SMAP2: variants seen among roughly 807,000 people sequenced by gnomAD.
SMAP2 encodes small ArfGAP2, also known as stromal membrane-associated protein 2.
SMAP2 carries 25 observed loss-of-function variants against 56.4 expected under a neutral mutation model. That is an observed-to-expected ratio of 0.44 (90% confidence interval 0.32 to 0.62). The LOEUF is 0.62. Ranked by LOEUF, SMAP2 falls within the 20% of genes least tolerant of loss-of-function variation. The pLI is 0.04. For synonymous variants in SMAP2, 157 were observed against 181.7 expected, an observed-to-expected ratio of 0.86 and a Z score of 1.09; for missense variants, 388 against 545.6, an observed-to-expected ratio of 0.71 and a Z score of 2.88.
intron 1 of SMAP2, among the ~76,000 whole-genome samples, chr1:40,361,050 C>T (rs895312917): frequency 2.6e-5 from 4 of 152,178 alleles, no homozygotes; most frequent in African/African-American, 9.7e-5. Flanking sequence ...ATCCCTTCCC[C>T]AATTGCAGGC....
At chr1:40,399,123 C>G (rs962688696) in intron 1 of SMAP2, among the ~76,000 whole-genome samples, 1 of 151,972 alleles carries the variant, frequency 6.6e-6, no homozygotes, top group Non-Finnish European at 1.5e-5. Context: ...GACCCTGTCT[C>G]TTTTTTATTT....
chr1:40,377,157 G>A (rs1644548622), intron 1 of SMAP2, among the ~76,000 whole-genome samples: 1 of 152,086 alleles, frequency 6.6e-6, no homozygotes, highest in South Asian at 2.1e-4. Context: ...GTGGTGTTGT[G>A]CATCTGTGGT....
At chr1:40,398,343 C>CT (rs397826052) in intron 1 of SMAP2, among the ~76,000 whole-genome samples, 2 of 1,844 alleles carry the variant, frequency 1.1e-3, no homozygotes, top group Non-Finnish European at 1.8e-3. Context: ...AGTACTCCCG[C>CT]TCAGCCTCCC....
chr1:40,371,229 A>C (rs770092666), upstream of SMAP2, among the ~76,000 whole-genome samples: 1 of 152,200 alleles, frequency 6.6e-6, no homozygotes, highest in East Asian at 1.9e-4. Flanking sequence ...TAACATGTGC[A>C]TGATGGAACA....
Position 40,380,529 on chromosome 1 carries a change from C to CTTTTTTTTTTTTTTTTT in SMAP2, c.103+6317_103+6318insTTTTTTTTTTTTTTTTT, listed in dbSNP as rs370625950. ...AATTATTTTAGCTGTATCTGTGGCA[C>CTTTTTTTTTTTTTTTTT]TTTTTTTTTTTCTCTTTTGAGATGG... On this transcript the variant is annotated intron_variant, in intron 1 of 9. Coordinates refer to ENST00000372718, the MANE Select transcript of SMAP2 (RefSeq NM_022733.3). 1.4e-5 allele frequency among the ~76,000 whole-genome samples: 2 copies of CTTTTTTTTTTTTTTTTT among 142,878 alleles called. 1 individual carries two copies. The highest frequency in any genetic ancestry group is 5.3e-5 in the African/African-American group (2 of 37,900). 93.7% of individuals were successfully genotyped at this position (142,878 alleles called of 152,430 possible). A position where few individuals can be genotyped will look rare whatever the true frequency, so the allele number is the denominator to read the frequency against.
upstream of SMAP2, among the ~76,000 whole-genome samples, chr1:40,371,055 C>G (rs1056143909): frequency 1.3e-5 from 2 of 151,998 alleles, no homozygotes; most frequent in African/African-American, 2.4e-5. Flanking sequence ...TGCCTGTAGT[C>G]CTAGCTACTT....
upstream of SMAP2, among the ~76,000 whole-genome samples, chr1:40,371,873 C>A (rs1171124789): frequency 6.6e-6 from 1 of 152,182 alleles, no homozygotes; most frequent in Non-Finnish European, 1.5e-5. Context: ...TTAATGTTAT[C>A]ATCATTCCCA....
chr1:40,373,229 G>A (rs368037514), upstream of SMAP2, among the ~76,000 whole-genome samples: 32 of 152,268 alleles, frequency 2.1e-4, no homozygotes, highest in East Asian at 5.6e-3. Context: ...TTCCAAGTGA[G>A]AGGTGACCAG....
intron 1 of SMAP2, among the ~76,000 whole-genome samples, chr1:40,378,864 A>G (rs1295050711): frequency 6.6e-6 from 1 of 152,216 alleles, no homozygotes; most frequent in African/African-American, 2.4e-5. Context: ...TTCAAAATCC[A>G]AAAGGTCCAA....
intron 1 of SMAP2, among the ~76,000 whole-genome samples, chr1:40,383,531 G>T (rs78492778): frequency 0.049 from 7,430 of 152,254 alleles, 211 homozygotes; most frequent in Admixed American, 0.061. Context: ...ACAAGAGAAC[G>T]GAAGGGTTTT....
intron 1 of SMAP2, among the ~76,000 whole-genome samples, chr1:40,394,832 C>T (rs958825729): frequency 1.3e-5 from 2 of 152,100 alleles, no homozygotes; most frequent in South Asian, 2.1e-4. Flanking sequence ...TTGTGGCAGT[C>T]AGGAGGTCCT....
intron 1 of SMAP2, among the ~76,000 whole-genome samples, chr1:40,403,397 C>T (rs1003150695): frequency 1.3e-5 from 2 of 152,048 alleles, no homozygotes; most frequent in Non-Finnish European, 2.9e-5. Context: ...CCCAGCTACT[C>T]GGGAAGCTGA....
At position 40,401,540 on chromosome 1, in the gene SMAP2, A is replaced by G. The variant is rs931645367; in HGVS notation, c.104-5196A>G. ...ACTCCATAGATTAGAACTCAATGAT[A>G]TAATTATTATAATATTAGTAGTAGC... On this transcript the variant is annotated intron_variant, in intron 1 of 9. Coordinates refer to ENST00000372718, the MANE Select transcript of SMAP2 (RefSeq NM_022733.3). Among the ~76,000 whole-genome samples the G allele has an allele frequency of 9.2e-5, 14 of 152,296 alleles. 1 individual carries two copies. The highest frequency in any genetic ancestry group is 5.8e-4 in the East Asian group (3 of 5,184).
intron 9 of SMAP2, among the ~76,000 whole-genome samples, chr1:40,419,579 C>G (rs1645023251): frequency 6.6e-6 from 1 of 152,072 alleles, no homozygotes; most frequent in South Asian, 2.1e-4. Context: ...GCCACTGCGC[C>G]CAGCTGAGAA....
At chr1:40,416,422 G>T (rs1214023890) in intron 8 of SMAP2, 81 bp downstream of exon 8, 1 of 1,494,400 alleles carries the variant, frequency 6.7e-7, no homozygotes, top group Non-Finnish European at 9.0e-7. Flanking sequence ...TGTGACAGAG[G>T]ACAGTTGCTT....
rs1397941444 is a variant in SMAP2, at chr1:40,385,830, T to G, written c.103+11607T>G. Among the ~76,000 whole-genome samples the G allele has an allele frequency of 6.6e-6, 1 of 152,256 alleles. No individual in the cohort carries two copies. On this transcript the variant is annotated intron_variant, in intron 1 of 9. Transcript: ENST00000372718. This position sits in a 1 kb window ranked among gnomAD's most constrained non-coding sequence, Gnocchi z 4.5. ...TCTGAAGTGCGCACACAGTACATTT[T>G]GTTCTTTAACTTCCTCTTTTCTTGT...
In SMAP2 at chr1:40,408,718, T is replaced by C. The variant is rs772517169; in HGVS notation, c.303T>C (p.Phe101=). ...RLYEAYLPET[F]RRPQIDPAVE... Reference sequence around the variant, plus strand: ...ATGAAGCCTATCTTCCTGAGACCTTTCGGCGACCTCAGATAGACCCGTATC... The same window carrying C: ...ATGAAGCCTATCTTCCTGAGACCTTCCGGCGACCTCAGATAGACCCGTATC... Residue 101 remains phenylalanine (F), a synonymous_variant, in exon 3 of 10, where the codon TTT becomes TTC. Coordinates refer to ENST00000372718, the MANE Select transcript of SMAP2 (RefSeq NM_022733.3). The surrounding 1 kb of genome is among the most constrained non-coding windows in gnomAD (Gnocchi z 4.3). 1.2e-5 allele frequency: 19 copies of C among 1,613,786 alleles called. No homozygotes were observed. The Admixed American group carries it at 3.2e-4, about 27-fold the overall frequency.
upstream of SMAP2, among the ~76,000 whole-genome samples, chr1:40,372,680 G>A (rs952932584): frequency 1.3e-5 from 2 of 152,168 alleles, no homozygotes; most frequent in African/African-American, 4.8e-5. Flanking sequence ...TCCTGGTCTT[G>A]GGAGAAAGTA....
chr1:40,356,462 G>A (rs1430753797), intron 1 of SMAP2, among the ~76,000 whole-genome samples: 4 of 149,676 alleles, frequency 2.7e-5, no homozygotes, highest in Non-Finnish European at 4.4e-5. Context: ...CTAGGCTGGA[G>A]TGCAGTGGCG....
Sources: allele counts gnomAD v4.1 joint callset (sites outside exome capture counted in the v4.1 genomes callset), GRCh38; gene constraint gnomAD v4.1.1; non-coding constraint Gnocchi (gnomAD v3.1); transcripts MANE v1.5; gene names NCBI Gene and HGNC (gene_info 2026-07-23, HGNC 2026-07-21).